PAN2: variants seen among roughly 807,000 people sequenced by gnomAD.
The protein encoded by PAN2 is PAN2-PAN3 deadenylation complex catalytic subunit PAN2.
Under a neutral mutation model 133.3 loss-of-function variants are expected in PAN2, and 68 were observed. That is an observed-to-expected ratio of 0.51 (90% CI 0.42 to 0.62). PAN2 has a LOEUF of 0.62. Ranked by LOEUF, PAN2 falls within the 20% of genes least tolerant of loss-of-function variation. PAN2 has a pLI of 0.00. For missense variants in PAN2, 1,042 were observed against 1,500.5 expected, an observed-to-expected ratio of 0.69 and a Z score of 5.05; for synonymous variants, 462 against 544.6, an observed-to-expected ratio of 0.85 and a Z score of 2.11.
Position 56,328,022 on chromosome 12 carries a change from GA to G in PAN2, c.623del (p.Phe208SerfsTer13). 1 of 1,613,918 alleles carries G rather than the reference GA, an allele frequency of 6.2e-7. No homozygotes were observed. Among genetic ancestry groups the G allele is most frequent in the Non-Finnish European group, 8.5e-7 (1 of 1,179,900 alleles). ...TGCCAGACGTGTGGCCGCAGAAGAAGAAGCGATTTGTCTGTCTCATGATGGT... is the reference window on the plus strand; with the variant it reads ...TGCCAGACGTGTGGCCGCAGAAGAAGAGCGATTTGTCTGTCTCATGATGGT... ...GVTIMRQTNR[F>X]FFCGHTSGKV... On this transcript the variant is annotated frameshift_variant, in exon 5 of 26. Coordinates refer to ENST00000440411, the MANE Select transcript of PAN2 (RefSeq NM_014871.6). LOFTEE classifies it high-confidence loss of function.
chr12:56,333,254 T>A, intron 1 of PAN2, 46 bp from the exon 2 acceptor site: 1 of 688,626 alleles, frequency 1.5e-6, no homozygotes, highest in Non-Finnish European at 2.4e-6. Flanking sequence ...GCCCAGGTAC[T>A]GGTACTTAGG....
rs765681170 is a variant in PAN2 at position 56,322,668 on chromosome 12, C to A, written c.2584G>T (p.Gly862Cys). 13 of 1,614,184 alleles carry A rather than the reference C, an allele frequency of 8.1e-6. No homozygotes were observed. Among genetic ancestry groups the A allele is most frequent in the East Asian group, 2.2e-5 (1 of 44,880 alleles). ...VVHILDSRTG[G>C]SLVAHIKVGE... Reference sequence around the variant, plus strand: ...ACTTTGATGTGAGCCACCAGGCTGCCCCCTGTGCGTGAGTCCAGGATGTGT... The same window carrying A: ...ACTTTGATGTGAGCCACCAGGCTGCACCCTGTGCGTGAGTCCAGGATGTGT... The change falls in exon 18 of 26, where the codon GGC becomes TGC. Residue 862 changes from glycine to cysteine, a missense_variant. By Grantham distance (159) the Gly-to-Cys change is radical. Coordinates refer to ENST00000440411, the MANE Select transcript of PAN2 (RefSeq NM_014871.6).
At position 56,330,351 on chromosome 12, in the gene PAN2, TTC is replaced by T. The variant is rs1275408505; in HGVS notation, c.283-1712_283-1711del. Among the ~76,000 whole-genome samples, 4 of 119,156 alleles carry T rather than the reference TTC, an allele frequency of 3.4e-5. No homozygotes were observed. In the East Asian group the frequency reaches 8.0e-4, roughly 24 times the overall value. The allele number at this position is 119,156 out of a possible 152,430, so 78.2% of individuals were successfully genotyped here. A position where few individuals can be genotyped will look rare whatever the true frequency, so the allele number is the denominator to read the frequency against. On this transcript the variant is annotated intron_variant, in intron 2 of 25. Transcript: ENST00000440411. ...TCAACCCCCTTACTCAACTGTATTT[TTC>T]TTTTTTTTTTTTTTTTTTTTTTTTG... is the stretch of plus-strand genomic sequence containing the variant.
intron 20 of PAN2, among the ~76,000 whole-genome samples, chr12:56,321,023 C>T (rs879790245): frequency 3.4e-5 from 5 of 148,274 alleles, no homozygotes; most frequent in Non-Finnish European, 7.4e-5. Flanking sequence ...AAAATTGTGC[C>T]ATTGCACTCC....
rs945425510 is a variant in PAN2 at position 56,331,782 on chromosome 12, C to T, written c.282+1031G>A. Among the ~76,000 whole-genome samples the T allele has an allele frequency of 5.3e-5, 8 of 150,698 alleles. No individual in the cohort carries two copies. The South Asian group carries it at 1.3e-3, about 24-fold the overall frequency. On this transcript the variant is annotated intron_variant, in intron 2 of 25. Transcript: ENST00000440411. ...AGGCTGGAGTGCAGTGGCGTGATCT[C>T]GGCTCACTGCAACCTCTGCCTCCCA...
chr12:56,324,174 G>A lies in PAN2; in HGVS notation c.1940C>T (p.Ser647Leu). 1 of 1,613,938 alleles carries A rather than the reference G, an allele frequency of 6.2e-7. No homozygotes were observed. Among genetic ancestry groups the A allele is most frequent in the East Asian group, 2.2e-5 (1 of 44,878 alleles). The stretch of plus-strand genomic sequence containing the variant: ...CTGCCCAATAACAGAGTCCCCCGAT[G>A]AGCAAAAGCTGCTAAGAGTGGAGAG... Reference protein sequence around the residue: ...YRGAGGSSFCSSGDSVIGQLF... With the variant: ...YRGAGGSSFCLSGDSVIGQLF... Residue 647 changes from serine to leucine, a missense_variant, in exon 13 of 26, where the codon TCA becomes TTA. Ser to Leu is a moderately radical substitution (Grantham distance 145, BLOSUM62 -2). Around this residue, in one of 3 missense-constraint regions of PAN2, gnomAD observed 908 missense variants for 1,223.5 expected, o/e 0.74. Transcript: ENST00000440411.
Position 56,333,116 on chromosome 12 carries a change from C to A in PAN2, c.-22G>T. On this transcript the variant is annotated 5_prime_UTR_variant, in exon 2 of 26. The change creates a new upstream start codon in the 5' untranslated region. Coordinates refer to ENST00000440411, the MANE Select transcript of PAN2 (RefSeq NM_014871.6). ...TCATGATGACGATGGCAGCTTACAC[C>A]TGTGTCACACCCTCCCTTACCACAG... is the stretch of plus-strand genomic sequence containing the variant. 1 of 1,609,598 alleles carries A rather than the reference C, an allele frequency of 6.2e-7. No homozygotes were observed. The highest frequency in any genetic ancestry group is 8.5e-7 in the Non-Finnish European group (1 of 1,176,998).
chr12:56,328,382 G>C (rs765378429), intron 3 of PAN2, 24 bp from the exon 4 acceptor site: 3 of 1,593,554 alleles, frequency 1.9e-6, no homozygotes, highest in East Asian at 4.5e-5. Flanking sequence ...GAAAGGCTAA[G>C]GGGCCCAGGC....
chr12:56,326,915 C>T lies in PAN2; in HGVS notation c.964G>A (p.Asp322Asn), dbSNP rs1473696844. ...CEPTGLANPA[D>N]IFHVNPVGPL... ...CCCACAGGATTCACATGAAAGATAT[C>T]GGCTGGGTTGGCCAGGCCTGTGGGT... The change falls in exon 7 of 26, where the codon GAT (aspartate) becomes AAT (asparagine). Residue 322 changes from aspartate (D) to asparagine (N), a missense_variant. Asp to Asn is a conservative substitution (Grantham distance 23). Coordinates refer to ENST00000440411, the MANE Select transcript of PAN2 (RefSeq NM_014871.6). 4 of 1,613,946 alleles carry T rather than the reference C, an allele frequency of 2.5e-6. No homozygotes were observed. In the African/African-American group the frequency reaches 4.0e-5, roughly 16 times the overall value.
At chr12:56,330,098 G>T (rs1875585780) in intron 2 of PAN2, among the ~76,000 whole-genome samples, 1 of 152,060 alleles carries the variant, frequency 6.6e-6, no homozygotes, top group South Asian at 2.1e-4. Context: ...GAATAGTAAA[G>T]GAGAGGCACA....
In PAN2 at chr12:56,323,876, C is replaced by T. The variant is rs1375657193; in HGVS notation, c.2103G>A (p.Leu701=). 1 of 1,614,192 alleles carries T rather than the reference C, an allele frequency of 6.2e-7. No homozygotes were observed. The highest frequency in any genetic ancestry group is 1.1e-5 in the South Asian group (1 of 91,088). The part of the protein sequence containing the change: ...TGKNYDFAQV[L]KRSICLDQNT... ...TCTGGTCCAGGCAGATGCTTCGCTT[C>T]AGCACCTGAGCAAAGTCATAGTTCT... The change falls in exon 14 of 26, where the codon CTG becomes CTA. Residue 701 remains leucine, a synonymous_variant. Coordinates refer to ENST00000440411, the MANE Select transcript of PAN2 (RefSeq NM_014871.6).
rs767493290 is a variant in PAN2, at chr12:56,319,948, A to G, written c.2862T>C (p.Thr954=). ...CATTCAGCATCAGTGGAATAAAGGTAGTATGTGTTTTCCGCTGCTTCCGTG... is the reference window on the plus strand; with the variant it reads ...CATTCAGCATCAGTGGAATAAAGGTGGTATGTGTTTTCCGCTGCTTCCGTG... The part of the protein sequence containing the change: ...SLARKQRKTH[T]TFIPLMLNEM... The change falls in exon 21 of 26, where the codon ACT becomes ACC. Residue 954 remains threonine, a synonymous_variant. Coordinates refer to ENST00000440411, the MANE Select transcript of PAN2 (RefSeq NM_014871.6). This position sits in a 1 kb window ranked among gnomAD's most constrained non-coding sequence, Gnocchi z 5.4. 3.1e-6 allele frequency: 5 copies of G among 1,614,200 alleles called. No homozygotes were observed. The highest frequency in any genetic ancestry group is 4.5e-5 in the East Asian group (2 of 44,888).
Position 56,319,921 on chromosome 12 carries a change from C to T in PAN2, c.2889G>A (p.Glu963=), listed in dbSNP as rs749548588. 2 of 1,614,120 alleles carry T rather than the reference C, an allele frequency of 1.2e-6. No homozygotes were observed. Among genetic ancestry groups the T allele is most frequent in the Non-Finnish European group, 1.7e-6 (2 of 1,180,046 alleles). The change falls in exon 21 of 26, where the codon GAG becomes GAA. Residue 963 remains glutamate (E), a synonymous_variant. Transcript: ENST00000440411. The surrounding 1 kb of genome is among the most constrained non-coding windows in gnomAD (Gnocchi z 5.4). ...HTTFIPLMLN[E]MPQIGDLVGL... ...CCACCAGGTCCCCAATCTGTGGCAT[C>T]TCATTCAGCATCAGTGGAATAAAGG...
chr12:56,325,859 T>C (rs1400680958), intron 8 of PAN2, among the ~76,000 whole-genome samples: 2 of 152,228 alleles, frequency 1.3e-5, no homozygotes, highest in South Asian at 2.1e-4. Flanking sequence ...CCCTCAGATA[T>C]GTGTTTTGCA....
chr12:56,327,541 G>C lies in PAN2; in HGVS notation c.742C>G (p.Leu248Val). ...SLSDFDVHGNLLAACGFSSRL... is the reference protein window; with the variant it reads ...SLSDFDVHGNVLAACGFSSRL... ...CTGGAGAAGCCACAGGCAGCTAGCAGGTTGCCATGCACATCAAAGTCTGAC... is the reference window on the plus strand; with the variant it reads ...CTGGAGAAGCCACAGGCAGCTAGCACGTTGCCATGCACATCAAAGTCTGAC... The change falls in exon 6 of 26, where the codon CTG (leucine) becomes GTG (valine). Residue 248 changes from leucine to valine, a missense_variant. Leu to Val is a conservative substitution (Grantham distance 32, BLOSUM62 1). Coordinates refer to ENST00000440411, the MANE Select transcript of PAN2 (RefSeq NM_014871.6). The C allele has an allele frequency of 6.2e-7, 1 of 1,614,228 alleles. No individual in the cohort carries two copies. Among genetic ancestry groups the C allele is most frequent in the Non-Finnish European group, 8.5e-7 (1 of 1,180,042 alleles).
chr12:56,322,838 T>TG, intron 17 of PAN2, 80 bp from the exon 18 acceptor site: 1 of 695,284 alleles, frequency 1.4e-6, no homozygotes, highest in Admixed American at 2.6e-5. Flanking sequence ...GACAGGGAGT[T>TG]GGGGGTATGG....
intron 25 of PAN2, 59 bp downstream of exon 25, chr12:56,318,174 CACAA>C (rs1174004791): frequency 1.5e-5 from 21 of 1,414,944 alleles, no homozygotes; most frequent in South Asian, 5.8e-5. Context: ...GAGACCCTGT[CACAA>C]ACAAACAAAA....
At chr12:56,324,517 G>A (rs540503326) in intron 11 of PAN2, 24 bp from the exon 12 acceptor site, 3 of 1,612,380 alleles carry the variant, frequency 1.9e-6, no homozygotes, top group Non-Finnish European at 2.5e-6. Flanking sequence ...GGTGGAAAGG[G>A]GTTATTTTGT....
At chr12:56,331,709 T>G (rs1479176263) in intron 2 of PAN2, among the ~76,000 whole-genome samples, 1 of 132,572 alleles carries the variant, frequency 7.5e-6, no homozygotes, top group African/African-American at 2.5e-5. Context: ...CGTTTTTTTT[T>G]TTTTTGTTTT....
Sources: gnomAD v4.1 joint callset for allele counts (sites outside exome capture counted in the v4.1 genomes callset) on GRCh38, gnomAD v4.1.1 for gene constraint, gnomAD v4.1.1 regional missense constraint, Gnocchi (gnomAD v3.1) non-coding constraint, MANE v1.5 for transcripts, NCBI Gene and HGNC (gene_info 2026-07-23, HGNC 2026-07-21) for gene names.